The following SLC39A14 variants were observed in gnomAD, a reference collection of about 807,000 sequenced individuals.
SLC39A14 encodes metal cation symporter ZIP14.
A neutral mutation model predicts 45.5 loss-of-function variants in SLC39A14; 19 were observed. The observed-to-expected ratio is 0.42, with a 90% CI of 0.29 to 0.61. The LOEUF (loss-of-function observed/expected upper bound fraction) is 0.61. SLC39A14 is among the 20% of genes least tolerant of loss of function. SLC39A14 has a pLI of 0.22. For synonymous variants in SLC39A14, 264 were observed against 251.3 expected (o/e 1.05, Z -0.48); for missense variants, 447 against 616.5 (o/e 0.73, Z 2.91).
chr8:22,394,563 C>A (rs1405934229), intron 1 of SLC39A14, among the ~76,000 whole-genome samples: 1 of 152,082 alleles, frequency 6.6e-6, no homozygotes, highest in Non-Finnish European at 1.5e-5. Context: ...TTGTGATCCG[C>A]CCGCCTCGGC....
chr8:22,375,937 A>G (rs569499231), intron 1 of SLC39A14, among the ~76,000 whole-genome samples: 8 of 152,348 alleles, frequency 5.3e-5, no homozygotes, highest in Admixed American at 4.6e-4. Flanking sequence ...AGGAGCAGGA[A>G]ATCAACATTG....
In SLC39A14 at chr8:22,421,743, C is replaced by T; in HGVS notation, c.*2045C>T. ...AGCATTCCCAATAGATCCTATCATTCCTTAAACATAATACCCTTTGTCTTG... is the reference window on the plus strand; with the variant it reads ...AGCATTCCCAATAGATCCTATCATTTCTTAAACATAATACCCTTTGTCTTG... On this transcript the variant is annotated 3_prime_UTR_variant, in exon 9 of 9. Coordinates refer to ENST00000381237, the MANE Select transcript of SLC39A14 (RefSeq NM_001128431.4). The T allele has an allele frequency of 1.0e-6, 1 of 984,448 alleles. No individual in the cohort carries two copies. The highest frequency in any genetic ancestry group is 1.2e-6 in the Non-Finnish European group (1 of 828,872). 61.0% of individuals were successfully genotyped at this position (984,448 alleles called of 1,614,324 possible). A position where few individuals can be genotyped will look rare whatever the true frequency, so the allele number is the denominator to read the frequency against.
Position 22,416,057 on chromosome 8 carries a change from G to A in SLC39A14, c.940-16G>A, listed in dbSNP as rs1470837544. 6.2e-7 allele frequency: 1 copy of A among 1,613,582 alleles called. No individual in the cohort carries two copies. Among genetic ancestry groups the A allele is most frequent in the East Asian group, 2.2e-5 (1 of 44,854 alleles). ...GCCTTTGACGCTGTGGGCCCTGGGG[G>A]TGTGCTTTCTCCTAGGACCTGCAGG... On this transcript the variant is annotated splice_polypyrimidine_tract_variant and intron_variant, in intron 6 of 8. Coordinates refer to ENST00000381237, the MANE Select transcript of SLC39A14 (RefSeq NM_001128431.4).
rs571699957 is a variant in SLC39A14, at chr8:22,416,453, C to A, written c.1147+173C>A. ...ATCACCTTTTTTTTGGAGACGGAGT[C>A]TCGCACTGTTGCCCAGGCCGGAGTG... On this transcript the variant is annotated intron_variant, in intron 7 of 8. Coordinates refer to ENST00000381237, the MANE Select transcript of SLC39A14 (RefSeq NM_001128431.4). Among the ~76,000 whole-genome samples the A allele has an allele frequency of 2.0e-5, 3 of 152,224 alleles. No individual in the cohort carries two copies. In the East Asian group the frequency reaches 5.8e-4, roughly 29 times the overall value.
At chr8:22,373,550 C>G (rs947233192) in intron 1 of SLC39A14, among the ~76,000 whole-genome samples, 1 of 151,988 alleles carries the variant, frequency 6.6e-6, no homozygotes, top group Non-Finnish European at 1.5e-5. Context: ...GACACAGGTA[C>G]GTGTCACATT....
chr8:22,423,015 G>T (rs917982407), downstream of SLC39A14, among the ~76,000 whole-genome samples: 19 of 151,972 alleles, frequency 1.3e-4, no homozygotes, highest in Non-Finnish European at 1.0e-4. Flanking sequence ...GTAGAGATGG[G>T]GTTTCGCCAT....
At chr8:22,394,465 G>A (rs946375148) in intron 1 of SLC39A14, among the ~76,000 whole-genome samples, 11 of 151,484 alleles carry the variant, frequency 7.3e-5, no homozygotes, top group African/African-American at 1.5e-4. Flanking sequence ...TACTACAGGC[G>A]CCCACCACCA....
chr8:22,409,510 G>C (rs1349185521), intron 3 of SLC39A14, among the ~76,000 whole-genome samples: 1 of 152,156 alleles, frequency 6.6e-6, no homozygotes, highest in Non-Finnish European at 1.5e-5. Flanking sequence ...AGCCTCCTGA[G>C]TAGCTGGGAT....
chr8:22,433,165 AT>A (rs1482884061), intron 8 of SLC39A14, among the ~76,000 whole-genome samples: 1 of 151,898 alleles, frequency 6.6e-6, no homozygotes, highest in Admixed American at 6.6e-5. Context: ...AGATAAAGAA[AT>A]TTTTTTTATT....
intron 3 of SLC39A14, among the ~76,000 whole-genome samples, chr8:22,409,329 T>C (rs1835424484): frequency 6.6e-6 from 1 of 152,116 alleles, no homozygotes; most frequent in Non-Finnish European, 1.5e-5. Flanking sequence ...TCTGTGTTAC[T>C]GCAAGTCCCT....
chr8:22,406,950 C>T (rs988559600), intron 2 of SLC39A14, among the ~76,000 whole-genome samples: 2 of 152,052 alleles, frequency 1.3e-5, no homozygotes, highest in African/African-American at 4.8e-5. Context: ...CATGTGAGAC[C>T]GAACTCAGAA....
chr8:22,415,699 G>A, intron 5 of SLC39A14, 70 bp from the exon 6 acceptor site: 1 of 1,446,786 alleles, frequency 6.9e-7, no homozygotes, highest in Non-Finnish European at 9.5e-7. Flanking sequence ...GCACTTCCTT[G>A]GAGCAGGTGC....
rs1166049416 is a variant in SLC39A14 at position 22,421,709 on chromosome 8, T to C, written c.*2011T>C. ...CTAACTCGCATTGATGTATTAAATTTATAATTTTAGCATTCCCAATAGATC... is the reference window on the plus strand; with the variant it reads ...CTAACTCGCATTGATGTATTAAATTCATAATTTTAGCATTCCCAATAGATC... On this transcript the variant is annotated 3_prime_UTR_variant, in exon 9 of 9. Coordinates refer to ENST00000381237, the MANE Select transcript of SLC39A14 (RefSeq NM_001128431.4). The C allele has an allele frequency of 1.0e-6, 1 of 984,676 alleles. No homozygotes were observed. The highest frequency in any genetic ancestry group is 1.2e-6 in the Non-Finnish European group (1 of 828,970). 61.0% of individuals were successfully genotyped at this position (984,676 alleles called of 1,614,324 possible).
intron 1 of SLC39A14, among the ~76,000 whole-genome samples, chr8:22,395,632 CTTTTT>C (rs1219127052): frequency 6.6e-6 from 1 of 152,158 alleles, no homozygotes; most frequent in Non-Finnish European, 1.5e-5. Flanking sequence ...TTTTATTCCT[CTTTTT>C]TAGTAAGCCT....
At chr8:22,371,314 C>A (rs1405796489) in intron 1 of SLC39A14, among the ~76,000 whole-genome samples, 1 of 151,746 alleles carries the variant, frequency 6.6e-6, no homozygotes, top group Non-Finnish European at 1.5e-5. Context: ...ACATTTATTA[C>A]CGCCGAGTTC....
At position 22,398,720 on chromosome 8, in the gene SLC39A14, A is replaced by G. The variant is rs1246142115; in HGVS notation, c.-15-5976A>G. On this transcript the variant is annotated intron_variant, in intron 1 of 8. Coordinates refer to ENST00000381237, the MANE Select transcript of SLC39A14 (RefSeq NM_001128431.4). The stretch of plus-strand genomic sequence containing the variant: ...GCTTAGAAAAAAGTGCAGCATGCTG[A>G]ACATCACAGAAGCGTCTGTGCAGGA... 3.0e-6 allele frequency: 3 copies of G among 985,290 alleles called. No homozygotes were observed. In the East Asian group the frequency reaches 3.4e-4, roughly 112 times the overall value. The allele number at this position is 985,290 out of a possible 1,614,324, so 61.0% of individuals were successfully genotyped here.
At chr8:22,379,726 C>T (rs372936897) in intron 1 of SLC39A14, among the ~76,000 whole-genome samples, 187 of 152,012 alleles carry the variant, frequency 1.2e-3, no homozygotes, top group African/African-American at 4.2e-3. Context: ...GTCAAGAGAT[C>T]GAGACCATCC....
At position 22,370,928 on chromosome 8, in the gene SLC39A14, C is replaced by T. The variant is rs192194815; in HGVS notation, c.-16+3520C>T. Among the ~76,000 whole-genome samples, 7 of 152,234 alleles carry T rather than the reference C, an allele frequency of 4.6e-5. No individual in the cohort carries two copies. In the East Asian group the frequency reaches 1.2e-3, roughly 25 times the overall value. On this transcript the variant is annotated intron_variant, in intron 1 of 8. Coordinates refer to ENST00000381237, the MANE Select transcript of SLC39A14 (RefSeq NM_001128431.4). ...ATAAGGAGTCCAGAGTCCGCCCCAT[C>T]GACTGTCGCCAGCCAGGGCTTCATG... is the stretch of plus-strand genomic sequence containing the variant.
At chr8:22,400,806 A>C (rs1834811293) in intron 1 of SLC39A14, among the ~76,000 whole-genome samples, 2 of 152,188 alleles carry the variant, frequency 1.3e-5, no homozygotes, top group African/African-American at 4.8e-5. Flanking sequence ...TGTAGTTAAG[A>C]TACTTTAGTT....
Sources: gnomAD v4.1 joint callset for allele counts (sites outside exome capture counted in the v4.1 genomes callset) on GRCh38, gnomAD v4.1.1 for gene constraint, MANE v1.5 for transcripts, NCBI Gene and HGNC (gene_info 2026-07-23, HGNC 2026-07-21) for gene names.